The following NR6A1 variants were observed in gnomAD, a reference collection of about 807,000 sequenced individuals.
NR6A1 encodes nuclear receptor subfamily 6 group A member 1, also known as retinoic acid receptor-related testis-associated receptor.
A neutral mutation model predicts 59.1 loss-of-function variants in NR6A1; 7 were observed. The observed-to-expected ratio is 0.12, with a 90% CI of 0.07 to 0.22. NR6A1 has a LOEUF of 0.22. Ranked by LOEUF, NR6A1 falls within the 10% of genes least tolerant of loss-of-function variation. The pLI is 1.00. For missense variants in NR6A1, 468 were observed against 611.6 expected (o/e 0.77, Z 2.48); for synonymous variants, 243 against 236.1 (o/e 1.03, Z -0.27).
chr9:124,635,386 C>T (rs1008123272), intron 2 of NR6A1, among the ~76,000 whole-genome samples: 9 of 152,126 alleles, frequency 5.9e-5, no homozygotes, highest in Non-Finnish European at 8.8e-5. Flanking sequence ...ATGCTGTTCT[C>T]GTGAGGGTGA....
chr9:124,754,597 G>C (rs1270426754), intron 1 of NR6A1, among the ~76,000 whole-genome samples: 1 of 151,930 alleles, frequency 6.6e-6, no homozygotes, highest in Non-Finnish European at 1.5e-5. Flanking sequence ...AAAACAAAAA[G>C]GAAAAAAATG....
At chr9:124,767,513 G>GAA (rs951834728) in intron 1 of NR6A1, among the ~76,000 whole-genome samples, 13 of 76,522 alleles carry the variant, frequency 1.7e-4, no homozygotes, top group Middle Eastern at 8.2e-3. Context: ...TACAAAAAAA[G>GAA]AAAAAAAAAA....
intron 2 of NR6A1, among the ~76,000 whole-genome samples, chr9:124,630,893 G>A (rs1356157096): frequency 4.1e-5 from 6 of 148,132 alleles, no homozygotes; most frequent in South Asian, 2.2e-4. Flanking sequence ...GGTCAGGCTC[G>A]AACTCCTGAC....
chr9:124,642,649 C>T (rs374679112), intron 2 of NR6A1, among the ~76,000 whole-genome samples: 9 of 152,300 alleles, frequency 5.9e-5, no homozygotes, highest in African/African-American at 2.2e-4. Flanking sequence ...CCATGTAACA[C>T]TGTTTCTGGC....
chr9:124,559,160 C>T (rs369604074), intron 2 of NR6A1, among the ~76,000 whole-genome samples: 1 of 152,116 alleles, frequency 6.6e-6, no homozygotes, highest in East Asian at 1.9e-4. Flanking sequence ...TCCTATATTA[C>T]TGAATCTGGA....
chr9:124,637,791 C>T (rs1159488804), intron 2 of NR6A1, among the ~76,000 whole-genome samples: 4 of 149,270 alleles, frequency 2.7e-5, no homozygotes, highest in Non-Finnish European at 5.9e-5. Flanking sequence ...ACTCAGGAGG[C>T]TGAGGCACGA....
At chr9:124,692,855 G>A (rs571145809) in intron 2 of NR6A1, among the ~76,000 whole-genome samples, 3 of 152,228 alleles carry the variant, frequency 2.0e-5, no homozygotes, top group African/African-American at 4.8e-5. Flanking sequence ...TTAAAAATAC[G>A]TATTTTGTTT....
At chr9:124,767,981 A>C (rs1840986877) in intron 1 of NR6A1, among the ~76,000 whole-genome samples, 1 of 152,252 alleles carries the variant, frequency 6.6e-6, no homozygotes, top group Admixed American at 6.5e-5. Flanking sequence ...CCTCTATTAC[A>C]ACTAAATGAG....
At chr9:124,669,165 T>G (rs1459037609) in intron 2 of NR6A1, among the ~76,000 whole-genome samples, 1 of 152,194 alleles carries the variant, frequency 6.6e-6, no homozygotes, top group Non-Finnish European at 1.5e-5. Context: ...GAATCAAGAA[T>G]CACTCTCACC....
intron 2 of NR6A1, among the ~76,000 whole-genome samples, chr9:124,612,813 CTTTCT>C (rs1373799556): frequency 2.8e-5 from 4 of 144,568 alleles, no homozygotes; most frequent in African/African-American, 1.0e-4. Flanking sequence ...TTCTTTCTTT[CTTTCT>C]TTTCTTTCTT....
At chr9:124,620,207 G>A (rs565300734) in intron 2 of NR6A1, among the ~76,000 whole-genome samples, 1 of 151,862 alleles carries the variant, frequency 6.6e-6, no homozygotes, top group Admixed American at 6.6e-5. Flanking sequence ...AGAAGATATA[G>A]AAGATGATAA....
chr9:124,615,319 T>C (rs977725964), intron 2 of NR6A1, among the ~76,000 whole-genome samples: 27 of 152,170 alleles, frequency 1.8e-4, no homozygotes, highest in African/African-American at 6.0e-4. Flanking sequence ...AAAATGATAA[T>C]AGGCCTCTGA....
intron 2 of NR6A1, among the ~76,000 whole-genome samples, chr9:124,728,228 AC>A (rs1839782892): frequency 6.6e-6 from 1 of 151,524 alleles, no homozygotes; most frequent in African/African-American, 2.4e-5. Context: ...ACGGGGTTTC[AC>A]TGTGTTAGCT....
At chr9:124,530,356 C>T (rs1833069027) in intron 7 of NR6A1, among the ~76,000 whole-genome samples, 1 of 152,224 alleles carries the variant, frequency 6.6e-6, no homozygotes. Context: ...CCGCATCCCA[C>T]CCCTTGATAA....
intron 7 of NR6A1, among the ~76,000 whole-genome samples, chr9:124,528,132 T>TTGCTTTCTGGAATCTAC (rs1832992347): frequency 6.6e-6 from 1 of 152,206 alleles, no homozygotes; most frequent in Non-Finnish European, 1.5e-5. Flanking sequence ...GGATGAACTA[T>TTGCTTTCTGGAATCTAC]TGCTTTCTGG....
intron 4 of NR6A1, among the ~76,000 whole-genome samples, chr9:124,543,096 T>C (rs1462183548): frequency 6.6e-6 from 1 of 152,256 alleles, no homozygotes; most frequent in African/African-American, 2.4e-5. Flanking sequence ...CTGCCTTATC[T>C]TCTGCCACTC....
At chr9:124,702,316 G>A (rs1236187211) in intron 2 of NR6A1, among the ~76,000 whole-genome samples, 1 of 152,052 alleles carries the variant, frequency 6.6e-6, no homozygotes, top group Non-Finnish European at 1.5e-5. Flanking sequence ...TAAATTTTTG[G>A]CATGTAGATA....
chr9:124,598,750 T>A, intron 2 of NR6A1: 1 of 946,242 alleles, frequency 1.1e-6, no homozygotes, highest in Non-Finnish European at 1.7e-6. Flanking sequence ...CCCTTCTCCT[T>A]CACCGAAAGA....
chr9:124,760,319 AT>A (rs1424847796), intron 1 of NR6A1, among the ~76,000 whole-genome samples: 1 of 151,898 alleles, frequency 6.6e-6, no homozygotes, highest in Non-Finnish European at 1.5e-5. Flanking sequence ...CTAAAAAAAA[AT>A]AAATAAATAA....
Sources: gnomAD v4.1 joint callset for allele counts (sites outside exome capture counted in the v4.1 genomes callset) on GRCh38, gnomAD v4.1.1 for gene constraint, MANE v1.5 for transcripts, NCBI Gene and HGNC (gene_info 2026-07-23, HGNC 2026-07-21) for gene names.